Variants in ACAD10 observed in about 807,000 individuals in gnomAD.
ACAD10 encodes the protein ACAD-10.
ACAD10 carries 112 observed loss-of-function variants against 116.8 expected under a neutral mutation model. That is an observed-to-expected ratio of 0.96 (90% confidence interval 0.82 to 1.12). The LOEUF (loss-of-function observed/expected upper bound fraction) is 1.12. ACAD10 is among the 50% of genes most tolerant of loss of function. ACAD10 has a pLI of 0.00. For synonymous variants in ACAD10, 486 were observed against 510.6 expected, an observed-to-expected ratio of 0.95 and a Z score of 0.65; for missense variants, 1,259 against 1,350.2, an observed-to-expected ratio of 0.93 and a Z score of 1.06.
At chr12:111,714,799 G>A (rs917623913) in intron 6 of ACAD10, among the ~76,000 whole-genome samples, 1 of 151,940 alleles carries the variant, frequency 6.6e-6, no homozygotes, top group African/African-American at 2.4e-5. Context: ...TGCAACCTCC[G>A]CCTCTTGGGT....
chr12:111,719,317 G>A (rs1040375083), intron 7 of ACAD10, among the ~76,000 whole-genome samples: 6 of 152,138 alleles, frequency 3.9e-5, no homozygotes, highest in Middle Eastern at 3.4e-3. Context: ...GCAGTGGTGC[G>A]ATCTTGGCTC....
chr12:111,687,618 T>C (rs1004710596), intron 1 of ACAD10, among the ~76,000 whole-genome samples: 1 of 152,218 alleles, frequency 6.6e-6, no homozygotes, highest in African/African-American at 2.4e-5. Context: ...TTTAGTATAT[T>C]ACTATAGTAG....
intron 10 of ACAD10, among the ~76,000 whole-genome samples, chr12:111,732,118 A>G (rs138299530): frequency 6.6e-6 from 1 of 152,160 alleles, no homozygotes; most frequent in African/African-American, 2.4e-5. Context: ...GGGCAGTAAC[A>G]TGGAAGATGG....
At chr12:111,735,974 G>A (rs1031548881) in intron 11 of ACAD10, among the ~76,000 whole-genome samples, 1 of 151,654 alleles carries the variant, frequency 6.6e-6, no homozygotes, top group African/African-American at 2.4e-5. Flanking sequence ...CTGCCTCCCG[G>A]GTTCAAGCGA....
intron 2 of ACAD10, among the ~76,000 whole-genome samples, chr12:111,696,997 C>T (rs756083992): frequency 2.0e-5 from 3 of 151,722 alleles, no homozygotes; most frequent in South Asian, 2.1e-4. Flanking sequence ...AGGAGAATGG[C>T]GTGCACCCAG....
At position 111,729,847 on chromosome 12, in the gene ACAD10, T is replaced by C; in HGVS notation, c.1285T>C (p.Tyr429His). 6.2e-7 allele frequency: 1 copy of C among 1,614,096 alleles called. No individual in the cohort carries two copies. The highest frequency in any genetic ancestry group is 8.5e-7 in the Non-Finnish European group (1 of 1,180,012). The stretch of plus-strand genomic sequence containing the variant: ...CCAGGTACGAACCTGGGTTAAGCAG[T>C]ATCGAGCTTCCGAAACTAGCACCAT... The part of the protein sequence containing the change: ...PRQVRTWVKQ[Y>H]RASETSTIPA... Residue 429 changes from tyrosine (Y) to histidine (H), a missense_variant, in exon 10 of 21, where the codon TAT (tyrosine) becomes CAT (histidine). By Grantham distance (83) the Tyr-to-His change is moderately conservative. Transcript: ENST00000313698.
Position 111,748,994 on chromosome 12 carries a change from T to C in ACAD10, c.2645-179T>C, listed in dbSNP as rs761442063. ...TTTGCCATTATAAATCAGTGATTCA[T>C]TTTCTGTGTTTAACAGGCTGTTTCC... On this transcript the variant is annotated intron_variant, in intron 17 of 20. Coordinates refer to ENST00000313698, the MANE Select transcript of ACAD10 (RefSeq NM_025247.6). 8.7e-6 allele frequency: 14 copies of C among 1,607,438 alleles called. No homozygotes were observed. In the African/African-American group the frequency reaches 1.7e-4, roughly 20 times the overall value.
intron 8 of ACAD10, among the ~76,000 whole-genome samples, chr12:111,726,377 C>G (rs778681420): frequency 1.3e-5 from 2 of 152,016 alleles, no homozygotes; most frequent in Non-Finnish European, 2.9e-5. Context: ...ACTCATACCA[C>G]CAAAAAATGA....
rs1455332040 is a variant in ACAD10 at position 111,756,977 on chromosome 12, A to C, written c.*504A>C. The C allele has an allele frequency of 2.3e-6, 1 of 435,736 alleles. No homozygotes were observed. Among genetic ancestry groups the C allele is most frequent in the Non-Finnish European group, 4.6e-6 (1 of 215,536 alleles). 27.0% of individuals were successfully genotyped at this position (435,736 alleles called of 1,614,324 possible). ...CCTGGGAAAATGGAATGCAACCCAC[A>C]TTGTAAAGCCACTGGCATCTGATTA... On this transcript the variant is annotated 3_prime_UTR_variant, in exon 21 of 21. Coordinates refer to ENST00000313698, the MANE Select transcript of ACAD10 (RefSeq NM_025247.6).
intron 1 of ACAD10, chr12:111,691,119 C>T (rs1003233602): frequency 6.6e-6 from 1 of 152,138 alleles, no homozygotes; most frequent in Non-Finnish European, 1.5e-5. Flanking sequence ...TCTAGACTCA[C>T]TATTAATGTC....
intron 3 of ACAD10, among the ~76,000 whole-genome samples, chr12:111,704,695 T>TC (rs1475219428): frequency 6.7e-6 from 1 of 148,182 alleles, no homozygotes; most frequent in Non-Finnish European, 1.5e-5. Flanking sequence ...TTTCTTTTTT[T>TC]TTTTTTTTTT....
chr12:111,704,688 C>CTTTTTTTTTTTTT (rs59745029), intron 3 of ACAD10, among the ~76,000 whole-genome samples: 2 of 126,134 alleles, frequency 1.6e-5, no homozygotes, highest in Non-Finnish European at 3.3e-5. Flanking sequence ...TTCTTTCTTT[C>CTTTTTTTTTTTTT]TTTTTTTTTT....
Position 111,747,106 on chromosome 12 carries a change from A to G in ACAD10, c.2314A>G (p.Thr772Ala). 1 of 1,613,326 alleles carries G rather than the reference A, an allele frequency of 6.2e-7. No individual in the cohort carries two copies. Among genetic ancestry groups the G allele is most frequent in the Non-Finnish European group, 8.5e-7 (1 of 1,179,484 alleles). Residue 772 changes from threonine (T) to alanine (A), a missense_variant, in exon 15 of 21, where the codon ACC becomes GCC. Transcript: ENST00000313698. ...CATGGAGCTGCTGGTGAGGTATGGC[A>G]CCGAAGCGCAGAAGGCTCGCTGGCT... is the stretch of plus-strand genomic sequence containing the variant. ...GNMELLVRYG[T>A]EAQKARWLIP...
At chr12:111,726,348 G>A (rs1407417918) in intron 8 of ACAD10, among the ~76,000 whole-genome samples, 1 of 152,000 alleles carries the variant, frequency 6.6e-6, no homozygotes, top group Non-Finnish European at 1.5e-5. Flanking sequence ...CCTTAGTACT[G>A]CTGGGTGGTA....
rs192237004 is a variant in ACAD10 at position 111,744,661 on chromosome 12, A to G, written c.1733A>G (p.Tyr578Cys). Residue 578 changes from tyrosine to cysteine, a missense_variant, in exon 13 of 21, where the codon TAT becomes TGT. Physicochemically the swap from Tyr to Cys is radical, Grantham distance 194. Coordinates refer to ENST00000313698, the MANE Select transcript of ACAD10 (RefSeq NM_025247.6). ...TGCTTAGGGCAAGCAAGCTCCACAT[A>G]TGCGGAACAAACTGGAAAGCTGACC... is the stretch of plus-strand genomic sequence containing the variant. ...RSLTGQASST[Y>C]AEQTGKLTEF... The G allele has an allele frequency of 7.2e-5, 116 of 1,613,918 alleles. 2 individuals carry two copies. In the East Asian group the frequency reaches 2.4e-3, roughly 34 times the overall value.
chr12:111,689,754 T>G (rs1261513584), intron 1 of ACAD10, among the ~76,000 whole-genome samples: 1 of 151,822 alleles, frequency 6.6e-6, no homozygotes, highest in Non-Finnish European at 1.5e-5. Context: ...CTCACTCTGT[T>G]GCCCAGGCTG....
At chr12:111,687,469 A>T (rs1887903078) in intron 1 of ACAD10, among the ~76,000 whole-genome samples, 1 of 152,230 alleles carries the variant, frequency 6.6e-6, no homozygotes, top group South Asian at 2.1e-4. Flanking sequence ...GACAACCAAT[A>T]ATGTCTCTGG....
Position 111,753,635 on chromosome 12 carries a change from T to C in ACAD10, c.2818-137T>C, listed in dbSNP as rs571370535. The stretch of plus-strand genomic sequence containing the variant: ...CACACAGGCACCTTGGCTGAGAAGA[T>C]GCACAGTCCTGGTTTCACTCTCCTC... On this transcript the variant is annotated intron_variant, in intron 18 of 20. Transcript: ENST00000313698. 57 of 1,162,964 alleles carry C rather than the reference T, an allele frequency of 4.9e-5. No individual in the cohort carries two copies. The South Asian group carries it at 6.4e-4, about 13-fold the overall frequency. 72.0% of individuals were successfully genotyped at this position (1,162,964 alleles called of 1,614,324 possible).
At chr12:111,706,481 G>A (rs896153031) in intron 4 of ACAD10, among the ~76,000 whole-genome samples, 6 of 151,770 alleles carry the variant, frequency 4.0e-5, no homozygotes, top group South Asian at 2.1e-4. Flanking sequence ...ATGGAGTCTC[G>A]CTCTGTAACC....
Sources: allele counts gnomAD v4.1 joint callset (sites outside exome capture counted in the v4.1 genomes callset), GRCh38; gene constraint gnomAD v4.1.1; transcripts MANE v1.5; gene names NCBI Gene and HGNC (gene_info 2026-07-23, HGNC 2026-07-21).